Variants in BCKDHB observed in about 807,000 individuals in gnomAD.
The protein encoded by BCKDHB is 2-oxoisovalerate dehydrogenase subunit beta, mitochondrial.
A neutral mutation model predicts 48.5 loss-of-function variants in BCKDHB; 41 were observed. The ratio of observed to expected loss-of-function variants is 0.85; its 90% CI spans 0.66 to 1.10. BCKDHB has a LOEUF of 1.10. Ranked by LOEUF, BCKDHB falls within the 50% of genes least tolerant of loss-of-function variation. BCKDHB has a pLI of 0.00. For synonymous variants in BCKDHB, 201 were observed against 174.8 expected (o/e 1.15, Z -1.18); for missense variants, 496 against 494.2 (o/e 1.00, Z -0.03).
chr6:80,302,403 T>A (rs539440896), intron 9 of BCKDHB, among the ~76,000 whole-genome samples: 1 of 152,282 alleles, frequency 6.6e-6, no homozygotes, highest in African/African-American at 2.4e-5. Flanking sequence ...AACTTTTAGA[T>A]TTTTTCTTAC....
intron 6 of BCKDHB, among the ~76,000 whole-genome samples, chr6:80,186,099 T>C (rs185055704): frequency 2.9e-4 from 44 of 152,232 alleles, no homozygotes; most frequent in Admixed American, 2.9e-3. Flanking sequence ...GATACAAGTT[T>C]GTTCTTTGTT....
At chr6:80,300,259 C>T (rs1209562176) in intron 9 of BCKDHB, among the ~76,000 whole-genome samples, 1 of 151,996 alleles carries the variant, frequency 6.6e-6, no homozygotes, top group East Asian at 1.9e-4. Flanking sequence ...ACCATGTTGC[C>T]CAGGCTTGTC....
chr6:80,363,306 T>C, the BCKDHB span, among the ~76,000 whole-genome samples: 1 of 152,326 alleles, frequency 6.6e-6, no homozygotes, highest in East Asian at 1.9e-4. Flanking sequence ...GATGAGAATT[T>C]GATTGAGCAT....
At chr6:80,332,872 C>T (rs1016600044) in intron 9 of BCKDHB, among the ~76,000 whole-genome samples, 6 of 151,654 alleles carry the variant, frequency 4.0e-5, no homozygotes, top group African/African-American at 1.5e-4. Context: ...CAGAAAGTTC[C>T]ACCCATGTCC....
chr6:80,261,673 T>A (rs143647871), intron 8 of BCKDHB, among the ~76,000 whole-genome samples: 6 of 152,254 alleles, frequency 3.9e-5, no homozygotes, highest in Non-Finnish European at 7.4e-5. Flanking sequence ...GTTTCATCTG[T>A]ATCCTTTCTT....
intron 7 of BCKDHB, among the ~76,000 whole-genome samples, chr6:80,202,026 C>G (rs1267394600): frequency 6.6e-6 from 1 of 151,942 alleles, no homozygotes; most frequent in Non-Finnish European, 1.5e-5. Context: ...TTGATATTGT[C>G]CTTGGTGGGT....
chr6:80,432,878 T>G, the BCKDHB span, among the ~76,000 whole-genome samples: 1 of 152,202 alleles, frequency 6.6e-6, no homozygotes, highest in Non-Finnish European at 1.5e-5. Flanking sequence ...GGATGTGCTC[T>G]TCCTTTCTGT....
chr6:80,372,195 G>A, the BCKDHB span, among the ~76,000 whole-genome samples: 1 of 151,260 alleles, frequency 6.6e-6, no homozygotes, highest in Admixed American at 6.6e-5. Flanking sequence ...AGAGGTCCTT[G>A]TTTAGGTATA....
At chr6:80,170,110 A>G (rs1772827981) in intron 5 of BCKDHB, among the ~76,000 whole-genome samples, 1 of 152,094 alleles carries the variant, frequency 6.6e-6, no homozygotes, top group Non-Finnish European at 1.5e-5. Flanking sequence ...AAGAAAGCAG[A>G]TGAAGGGAAC....
the BCKDHB span, among the ~76,000 whole-genome samples, chr6:80,384,443 C>T: frequency 2.6e-5 from 4 of 152,072 alleles, no homozygotes; most frequent in African/African-American, 9.6e-5. Flanking sequence ...ACTCCAACCT[C>T]TACCTCCCAG....
chr6:80,439,425 A>T, the BCKDHB span, among the ~76,000 whole-genome samples: 2,449 of 152,274 alleles, frequency 0.016, 77 homozygotes, highest in African/African-American at 0.055. Flanking sequence ...TTACATAGAA[A>T]TTTTCTTCCA....
Position 80,156,906 on chromosome 6 carries a change from C to T in BCKDHB, c.344-10772C>T, listed in dbSNP as rs370468448. Among the ~76,000 whole-genome samples the T allele has an allele frequency of 1.7e-3, 265 of 152,192 alleles. 1 individual carries two copies. The highest frequency in any genetic ancestry group is 6.0e-3 in the African/African-American group (251 of 41,532). ...TTGAATTTAATTGGTTAGGTAGTTA[C>T]TTTTGTATTTAATTTATAAATTTGT... On this transcript the variant is annotated intron_variant, in intron 3 of 9. Transcript: ENST00000320393.
At chr6:80,264,265 T>C (rs576090094) in intron 8 of BCKDHB, among the ~76,000 whole-genome samples, 21 of 152,300 alleles carry the variant, frequency 1.4e-4, no homozygotes, top group Middle Eastern at 3.4e-3. Flanking sequence ...GCACATGTGG[T>C]TCAAGAAATT....
intron 3 of BCKDHB, among the ~76,000 whole-genome samples, chr6:80,136,377 C>A (rs566027608): frequency 9.9e-5 from 15 of 152,186 alleles, no homozygotes; most frequent in Non-Finnish European, 1.9e-4. Context: ...ACAGTCTTTT[C>A]AACAAATGAT....
the BCKDHB span, among the ~76,000 whole-genome samples, chr6:80,369,100 T>C: frequency 2.4e-5 from 1 of 42,138 alleles, no homozygotes; most frequent in African/African-American, 5.9e-5. Context: ...GGCTACTGTC[T>C]TATTATTTGT....
chr6:80,151,774 A>G (rs560613442), intron 3 of BCKDHB, among the ~76,000 whole-genome samples: 1 of 152,328 alleles, frequency 6.6e-6, no homozygotes. Context: ...CTATTTAGAT[A>G]GAGCAGTTTA....
intron 8 of BCKDHB, among the ~76,000 whole-genome samples, chr6:80,219,663 T>G (rs1206394123): frequency 6.6e-6 from 1 of 152,230 alleles, no homozygotes; most frequent in Non-Finnish European, 1.5e-5. Flanking sequence ...CTCATTTTGT[T>G]GGAGTACATT....
intron 3 of BCKDHB, among the ~76,000 whole-genome samples, chr6:80,130,134 C>G (rs1360082583): frequency 6.6e-6 from 1 of 151,892 alleles, no homozygotes; most frequent in African/African-American, 2.4e-5. Context: ...ACTCTTCTGA[C>G]TTGCAGTGTA....
the BCKDHB span, among the ~76,000 whole-genome samples, chr6:80,425,407 C>G: frequency 6.6e-6 from 1 of 152,124 alleles, no homozygotes; most frequent in Non-Finnish European, 1.5e-5. Flanking sequence ...GAAATTGTAA[C>G]AGCTTGGTTT....
Sources: allele counts gnomAD v4.1 joint callset (sites outside exome capture counted in the v4.1 genomes callset), GRCh38; gene constraint gnomAD v4.1.1; transcripts MANE v1.5; gene names NCBI Gene and HGNC (gene_info 2026-07-23, HGNC 2026-07-21).